PPP1R10: variants seen among roughly 807,000 people sequenced by gnomAD.
PPP1R10 encodes protein phosphatase 1 regulatory subunit 10.
PPP1R10 carries 15 observed loss-of-function variants against 99.0 expected under a neutral mutation model. That is an observed-to-expected ratio of 0.15 (90% CI 0.10 to 0.23). PPP1R10 has a LOEUF of 0.23. Ranked by LOEUF, PPP1R10 falls within the 10% of genes least tolerant of loss-of-function variation. The pLI, the probability that PPP1R10 is intolerant of heterozygous loss-of-function variation, is 1.00. For synonymous variants in PPP1R10, 430 were observed against 449.5 expected, an observed-to-expected ratio of 0.96 and a Z score of 0.55; for missense variants, 947 against 1,259.4, an observed-to-expected ratio of 0.75 and a Z score of 3.75.
Position 30,616,761 on chromosome 6 carries a change from T to C in PPP1R10, c.-295A>G, listed in dbSNP as rs1311806943. On this transcript the variant is annotated 5_prime_UTR_variant, in exon 2 of 20. Transcript: ENST00000376511. The stretch of plus-strand genomic sequence containing the variant: ...TGGTTTGGGAAGGGAGGGTGGTTGA[T>C]TATTTTTGAAGTTATGTAGTGACGG... 1 of 152,008 alleles carries C rather than the reference T, an allele frequency of 6.6e-6. No homozygotes were observed. Among genetic ancestry groups the C allele is most frequent in the Non-Finnish European group, 1.5e-5 (1 of 67,994 alleles). The allele number at this position is 152,008 out of a possible 1,614,324, so 9.4% of individuals were successfully genotyped here.
intron 5 of PPP1R10, 108 bp from the exon 6 acceptor site, chr6:30,607,999 T>G: frequency 9.2e-7 from 1 of 1,084,626 alleles, no homozygotes; most frequent in Non-Finnish European, 1.3e-6. Context: ...TTTTTTTTTT[T>G]ATTTTTTGAG....
intron 2 of PPP1R10, among the ~76,000 whole-genome samples, chr6:30,615,555 G>A (rs1345185092): frequency 6.6e-6 from 1 of 152,160 alleles, no homozygotes; most frequent in Non-Finnish European, 1.5e-5. Flanking sequence ...TCGCCATATT[G>A]AAGCAGGGAA....
rs1329156678 is a variant in PPP1R10, at chr6:30,616,548, A to AG, written c.-83_-82insC. ...GGGGTAAAATTTTGGAGGAAAAAAA[A>AG]TAAAACAACCAACCAGGACCCAAAA... On this transcript the variant is annotated 5_prime_UTR_variant, in exon 2 of 20. Coordinates refer to ENST00000376511, the MANE Select transcript of PPP1R10 (RefSeq NM_002714.4). 1.3e-5 allele frequency: 2 copies of AG among 152,236 alleles called. No individual in the cohort carries two copies. Among genetic ancestry groups the AG allele is most frequent in the Non-Finnish European group, 2.9e-5 (2 of 68,038 alleles). 9.4% of individuals were successfully genotyped at this position (152,236 alleles called of 1,614,324 possible). A position where few individuals can be genotyped will look rare whatever the true frequency, so the allele number is the denominator to read the frequency against.
rs765735441 is a variant in PPP1R10, at chr6:30,604,417, C to G, written c.1197G>C (p.Val399=). 1 of 1,613,708 alleles carries G rather than the reference C, an allele frequency of 6.2e-7. No individual in the cohort carries two copies. Among genetic ancestry groups the G allele is most frequent in the Non-Finnish European group, 8.5e-7 (1 of 1,180,020 alleles). The change falls in exon 13 of 20, where the codon GTG becomes GTC. Residue 399 remains valine (V), a synonymous_variant. Coordinates refer to ENST00000376511, the MANE Select transcript of PPP1R10 (RefSeq NM_002714.4). This position sits in a 1 kb window ranked among gnomAD's most constrained non-coding sequence, Gnocchi z 7.3. ...TCAGTTTGCCTTCCTCAGGCCATGT[C>G]ACACTTTTCCTCTTCCTGCCTTTCC... The part of the protein sequence containing the change: ...LTRKGRKRKS[V]TWPEEGKLRE...
intron 5 of PPP1R10, among the ~76,000 whole-genome samples, chr6:30,608,371 G>A (rs1250575731): frequency 6.7e-6 from 1 of 149,778 alleles, no homozygotes; most frequent in Non-Finnish European, 1.5e-5. Flanking sequence ...GTGCGATCTC[G>A]GCTCACAATA....
chr6:30,602,228 G>A lies in PPP1R10; in HGVS notation c.2421C>T (p.Ile807=). ...HRPHEGPGGG[I]SGGSGHRPHE... ...GGGGACGATGGCCACTGCCACCACTGATGCCACCGCCAGGGCCTTCGTGGG... is the reference window on the plus strand; with the variant it reads ...GGGGACGATGGCCACTGCCACCACTAATGCCACCGCCAGGGCCTTCGTGGG... The change falls in exon 19 of 20, where the codon ATC becomes ATT. Residue 807 remains isoleucine, a synonymous_variant. Transcript: ENST00000376511. This position sits in a 1 kb window ranked among gnomAD's most constrained non-coding sequence, Gnocchi z 6.7. The A allele has an allele frequency of 6.2e-7, 1 of 1,607,182 alleles. No homozygotes were observed. The highest frequency in any genetic ancestry group is 8.5e-7 in the Non-Finnish European group (1 of 1,177,626).
At chr6:30,614,423 T>G (rs1378042134) in intron 2 of PPP1R10, 1 of 152,212 alleles carries the variant, frequency 6.6e-6, no homozygotes, top group Non-Finnish European at 1.5e-5. Flanking sequence ...GATTCACTTC[T>G]TATCCTAGTA....
chr6:30,605,033 A>G lies in PPP1R10; in HGVS notation c.915T>C (p.Ile305=). 1.9e-6 allele frequency: 3 copies of G among 1,612,612 alleles called. No homozygotes were observed. Among genetic ancestry groups the G allele is most frequent in the Non-Finnish European group, 2.5e-6 (3 of 1,179,912 alleles). Residue 305 remains isoleucine (I), a synonymous_variant, in exon 11 of 20, where the codon ATT becomes ATC. Transcript: ENST00000376511. ...GTGACAGTACTTTTTTTTTCTTCTTAATTTTGATGCCTGGAACAGGGGCTG... is the reference window on the plus strand; with the variant it reads ...GTGACAGTACTTTTTTTTTCTTCTTGATTTTGATGCCTGGAACAGGGGCTG... ...LNSAPVPGIK[I]KKKKKVLSPT... is the part of the protein sequence containing the mutation.
rs1803403134 is a variant in PPP1R10, at chr6:30,602,218, TGCCACCACTGATGCCACC to T, written c.2413_2430del (p.Gly805_Gly810del). ...GGGCCTTCATGGGGACGATGGCCAC[TGCCACCACTGATGCCACC>T]GCCAGGGCCTTCGTGGGGACGATGT... On this transcript the variant is annotated inframe_deletion, in exon 19 of 20. Transcript: ENST00000376511. This position sits in a 1 kb window ranked among gnomAD's most constrained non-coding sequence, Gnocchi z 6.7. 1 of 1,609,086 alleles carries T rather than the reference TGCCACCACTGATGCCACC, an allele frequency of 6.2e-7. No individual in the cohort carries two copies. The highest frequency in any genetic ancestry group is 8.5e-7 in the Non-Finnish European group (1 of 1,178,606).
At position 30,604,553 on chromosome 6, in the gene PPP1R10, GA is replaced by G. The variant is rs759079126; in HGVS notation, c.1102+34del. 1 of 1,612,522 alleles carries G rather than the reference GA, an allele frequency of 6.2e-7. No homozygotes were observed. The highest frequency in any genetic ancestry group is 1.7e-5 in the Admixed American group (1 of 59,930). On this transcript the variant is annotated intron_variant, in intron 12 of 19. Coordinates refer to ENST00000376511, the MANE Select transcript of PPP1R10 (RefSeq NM_002714.4). The surrounding 1 kb of genome is among the most constrained non-coding windows in gnomAD (Gnocchi z 7.3). The stretch of plus-strand genomic sequence containing the variant: ...TTTCAGACCCAGATCCCTCCTTTCA[GA>G]AAACCCCCCAAACTGAACCAGTTTC...
In PPP1R10 at chr6:30,607,847, C is replaced by T; in HGVS notation, c.375G>A (p.Glu125=). The change falls in exon 6 of 20, where the codon GAG becomes GAA. Residue 125 remains glutamate, a synonymous_variant. Transcript: ENST00000376511. The part of the protein sequence containing the change: ...KLVKQLSKSS[E]DEELRKLASV... Reference sequence around the variant, plus strand: ...GCAGAAGTGGCACCCTACCTTCATCCTCACTTGACTTGCTCAGCTGCTTCA... The same window carrying T: ...GCAGAAGTGGCACCCTACCTTCATCTTCACTTGACTTGCTCAGCTGCTTCA... 1 of 1,612,982 alleles carries T rather than the reference C, an allele frequency of 6.2e-7. No individual in the cohort carries two copies. Among genetic ancestry groups the T allele is most frequent in the Non-Finnish European group, 8.5e-7 (1 of 1,179,928 alleles).
chr6:30,613,838 G>C (rs1467053620), intron 2 of PPP1R10, among the ~76,000 whole-genome samples: 1 of 152,148 alleles, frequency 6.6e-6, no homozygotes, highest in Admixed American at 6.6e-5. Flanking sequence ...ATATGCTGCA[G>C]AGGCACATGG....
At chr6:30,610,342 G>C (rs970761353) in intron 2 of PPP1R10, among the ~76,000 whole-genome samples, 3 of 152,196 alleles carry the variant, frequency 2.0e-5, no homozygotes, top group African/African-American at 7.2e-5. Context: ...GTTAAGTCCT[G>C]TCTTCCCTAG....
rs1305498841 is a variant in PPP1R10, at chr6:30,609,212, T to C, written c.108-49A>G. The C allele has an allele frequency of 1.3e-6, 2 of 1,586,500 alleles. No homozygotes were observed. Among genetic ancestry groups the C allele is most frequent in the South Asian group, 1.1e-5 (1 of 90,442 alleles). On this transcript the variant is annotated intron_variant, in intron 3 of 19. Transcript: ENST00000376511. This position sits in a 1 kb window ranked among gnomAD's most constrained non-coding sequence, Gnocchi z 4.5. ...GAAATGAAGCAGCCAGTATCTCTTC[T>C]CTTAGCAAAAGCGCCTCTCTGTGAA... is the stretch of plus-strand genomic sequence containing the variant.
chr6:30,603,397 C>T (rs996747272), intron 16 of PPP1R10, 75 bp downstream of exon 16: 5 of 1,585,536 alleles, frequency 3.2e-6, no homozygotes, highest in East Asian at 4.5e-5. Flanking sequence ...TGGGGTAAGG[C>T]GAATGGGAGA....
chr6:30,604,951 CTT>C lies in PPP1R10; in HGVS notation c.954+41_954+42del, dbSNP rs761963797. On this transcript the variant is annotated intron_variant, in intron 11 of 19. Transcript: ENST00000376511. The surrounding 1 kb of genome is among the most constrained non-coding windows in gnomAD (Gnocchi z 7.3). The stretch of plus-strand genomic sequence containing the variant: ...TGCTGTGCCCTTTCTTCTACTTTAC[CTT>C]TTATACTCTGTCACTGAAACCTACT... 2 of 1,593,874 alleles carry C rather than the reference CTT, an allele frequency of 1.3e-6. No homozygotes were observed. Among genetic ancestry groups the C allele is most frequent in the Non-Finnish European group, 1.7e-6 (2 of 1,162,756 alleles).
intron 2 of PPP1R10, among the ~76,000 whole-genome samples, chr6:30,615,963 T>C (rs1760474754): frequency 6.6e-6 from 1 of 152,216 alleles, no homozygotes; most frequent in Non-Finnish European, 1.5e-5. Flanking sequence ...CTATTACTTC[T>C]CTCTGCCCAT....
At chr6:30,615,493 G>A (rs144202335) in intron 2 of PPP1R10, among the ~76,000 whole-genome samples, 45 of 152,218 alleles carry the variant, frequency 3.0e-4, no homozygotes, top group Admixed American at 2.9e-3. Flanking sequence ...GAAAAAAAAT[G>A]GGTCAAGACA....
At chr6:30,608,976 C>T in intron 4 of PPP1R10, 62 bp from the exon 5 acceptor site, 2 of 1,611,748 alleles carry the variant, frequency 1.2e-6, no homozygotes, top group Non-Finnish European at 1.7e-6. Flanking sequence ...GTACCACATC[C>T]TACAATCCCA....
Sources: gnomAD v4.1 joint callset for allele counts (sites outside exome capture counted in the v4.1 genomes callset) on GRCh38, gnomAD v4.1.1 for gene constraint, Gnocchi (gnomAD v3.1) non-coding constraint, MANE v1.5 for transcripts, NCBI Gene and HGNC (gene_info 2026-07-23, HGNC 2026-07-21) for gene names.